ZMIZ1: variants seen among roughly 807,000 people sequenced by gnomAD.
ZMIZ1 encodes zinc finger MIZ domain-containing protein 1.
ZMIZ1 carries 17 observed loss-of-function variants against 113.9 expected under a neutral mutation model. That is an observed-to-expected ratio of 0.15 (90% CI 0.10 to 0.22). The LOEUF is 0.22. Among genes scored for constraint, ZMIZ1 ranks in the 10% least tolerant of loss-of-function variants. The pLI, the probability that ZMIZ1 is intolerant of heterozygous loss-of-function variation, is 1.00. For synonymous variants in ZMIZ1, 607 were observed against 603.1 expected (o/e 1.01, Z -0.09); for missense variants, 1,059 against 1,477.8 (o/e 0.72, Z 4.65).
intron 1 of ZMIZ1, among the ~76,000 whole-genome samples, chr10:79,078,135 C>T (rs1032887576): frequency 6.6e-6 from 1 of 152,152 alleles, no homozygotes; most frequent in East Asian, 1.9e-4. Context: ...GAAAGGCGTT[C>T]GAGAGGGAGG....
intron 1 of ZMIZ1, among the ~76,000 whole-genome samples, chr10:79,106,922 G>A (rs61381266): frequency 0.027 from 4,042 of 152,322 alleles, 148 homozygotes; most frequent in African/African-American, 0.091. Context: ...TTGTTCTTGA[G>A]TGCCCCTGCC....
chr10:79,137,364 G>A (rs1385759479), intron 2 of ZMIZ1, among the ~76,000 whole-genome samples: 1 of 152,232 alleles, frequency 6.6e-6, no homozygotes, highest in African/African-American at 2.4e-5. Context: ...GTACCTCAGG[G>A]AAGGTCTCTG....
intron 8 of ZMIZ1, among the ~76,000 whole-genome samples, chr10:79,283,648 A>C (rs2132000053): frequency 6.6e-6 from 1 of 152,322 alleles, no homozygotes; most frequent in East Asian, 1.9e-4. Flanking sequence ...TAAAAACAAA[A>C]AAAGAAGGAA....
intron 4 of ZMIZ1, among the ~76,000 whole-genome samples, chr10:79,171,287 G>A (rs571494222): frequency 8.5e-5 from 13 of 152,282 alleles, no homozygotes; most frequent in African/African-American, 3.1e-4. Context: ...CTTCACTGCC[G>A]GGCCTTCACT....
intron 7 of ZMIZ1, among the ~76,000 whole-genome samples, chr10:79,260,435 G>A (rs1237209072): frequency 1.3e-5 from 2 of 152,210 alleles, no homozygotes; most frequent in Non-Finnish European, 2.9e-5. Flanking sequence ...GCTGCATGAG[G>A]ATGAGGGGGT....
intron 3 of ZMIZ1, among the ~76,000 whole-genome samples, chr10:79,141,601 T>G (rs2132416391): frequency 6.6e-6 from 1 of 152,078 alleles, no homozygotes; most frequent in East Asian, 1.9e-4. Context: ...AGAGATGGGG[T>G]TTTCCCATGT....
chr10:79,237,985 C>G (rs1469897578), intron 7 of ZMIZ1, among the ~76,000 whole-genome samples: 3 of 152,250 alleles, frequency 2.0e-5, no homozygotes, highest in Non-Finnish European at 4.4e-5. Flanking sequence ...CCTCAGTTAG[C>G]CAGGAGAGCA....
chr10:79,209,569 C>T (rs1478108525), intron 6 of ZMIZ1, among the ~76,000 whole-genome samples: 2 of 152,234 alleles, frequency 1.3e-5, no homozygotes, highest in Non-Finnish European at 2.9e-5. Context: ...GCGGGAACAG[C>T]GGGCATGGCC....
At chr10:79,204,265 C>T (rs769872272) in intron 5 of ZMIZ1, among the ~76,000 whole-genome samples, 2 of 152,202 alleles carry the variant, frequency 1.3e-5, no homozygotes, top group Non-Finnish European at 2.9e-5. Context: ...TCACCAACCC[C>T]CACCCTCTGC....
intron 10 of ZMIZ1, among the ~76,000 whole-genome samples, chr10:79,291,508 C>G (rs1431112470): frequency 6.6e-6 from 1 of 152,346 alleles, no homozygotes; most frequent in Middle Eastern, 3.4e-3. Flanking sequence ...TTGGGAAAGT[C>G]GAAGAGCAGG....
intron 7 of ZMIZ1, chr10:79,216,491 C>T (rs980664252): frequency 9.5e-6 from 4 of 421,464 alleles, no homozygotes; most frequent in Middle Eastern, 3.1e-4. Context: ...CTCAGGGGTA[C>T]TGCAGGGCCA....
intron 1 of ZMIZ1, among the ~76,000 whole-genome samples, chr10:79,085,040 G>T (rs1031414065): frequency 5.9e-5 from 9 of 152,156 alleles, no homozygotes; most frequent in Admixed American, 5.2e-4. Flanking sequence ...TGCCCGCTCC[G>T]CATTCTGGTG....
chr10:79,204,793 T>C (rs564660662), intron 5 of ZMIZ1, among the ~76,000 whole-genome samples: 20 of 152,022 alleles, frequency 1.3e-4, no homozygotes, highest in African/African-American at 4.8e-4. Flanking sequence ...TGGACGTGTA[T>C]AGATGATGAA....
intron 2 of ZMIZ1, among the ~76,000 whole-genome samples, chr10:79,137,898 G>A (rs1024255295): frequency 1.3e-5 from 2 of 152,094 alleles, no homozygotes; most frequent in Admixed American, 6.5e-5. Context: ...CTCTCGGCCC[G>A]GGCTCTGACA....
chr10:79,300,099 C>T (rs911510451), intron 16 of ZMIZ1, among the ~76,000 whole-genome samples: 1 of 152,238 alleles, frequency 6.6e-6, no homozygotes, highest in Non-Finnish European at 1.5e-5. Context: ...AACACAGGAG[C>T]TGCAACGCTC....
At position 79,258,823 on chromosome 10, in the gene ZMIZ1, G is replaced by T. The variant is rs997533319; in HGVS notation, c.281-18358G>T. ...CCTGCCCCAGGGCAGGCACTTTGGG[G>T]TGAGTATCTGGAGTGGGTGATGGAA... On this transcript the variant is annotated intron_variant, in intron 7 of 24. Coordinates refer to ENST00000334512, the MANE Select transcript of ZMIZ1 (RefSeq NM_020338.4). Among the ~76,000 whole-genome samples, 12 of 152,204 alleles carry T rather than the reference G, an allele frequency of 7.9e-5. 1 individual carries two copies. The highest frequency in any genetic ancestry group is 2.7e-4 in the African/African-American group (11 of 41,452).
chr10:79,204,164 C>T (rs912546807), intron 5 of ZMIZ1, among the ~76,000 whole-genome samples: 4 of 152,188 alleles, frequency 2.6e-5, no homozygotes, highest in Admixed American at 6.5e-5. Context: ...GCTGAGATGA[C>T]GAGCTGTGCA....
At chr10:79,266,714 A>G (rs912646159) in intron 7 of ZMIZ1, among the ~76,000 whole-genome samples, 3 of 151,994 alleles carry the variant, frequency 2.0e-5, no homozygotes, top group African/African-American at 7.2e-5. Flanking sequence ...TTCCTGTGCT[A>G]TTTCCTCCTG....
rs531100385 is a variant in ZMIZ1, at chr10:79,303,916, A to G, written c.2126-99A>G. The G allele has an allele frequency of 2.6e-5, 40 of 1,510,198 alleles. No individual in the cohort carries two copies. The Admixed American group carries it at 6.3e-4, about 24-fold the overall frequency. The allele number at this position is 1,510,198 out of a possible 1,614,324, so 93.5% of individuals were successfully genotyped here. A position where few individuals can be genotyped will look rare whatever the true frequency, so the allele number is the denominator to read the frequency against. On this transcript the variant is annotated intron_variant, in intron 18 of 24. Coordinates refer to ENST00000334512, the MANE Select transcript of ZMIZ1 (RefSeq NM_020338.4). The stretch of plus-strand genomic sequence containing the variant: ...TGTGGGCTGGGAGGAGAACCAGGAC[A>G]TGCCCCAGCTGCACGAGGAAGTGGG...
Sources: allele counts gnomAD v4.1 joint callset (sites outside exome capture counted in the v4.1 genomes callset), GRCh38; gene constraint gnomAD v4.1.1; transcripts MANE v1.5; gene names NCBI Gene and HGNC (gene_info 2026-07-23, HGNC 2026-07-21).